The following ZFR2 variants were observed in gnomAD, a reference collection of about 807,000 sequenced individuals.
The protein encoded by ZFR2 is zinc finger RNA-binding protein 2.
A neutral mutation model predicts 105.7 loss-of-function variants in ZFR2; 104 were observed. That is an observed-to-expected ratio of 0.98 (90% CI 0.84 to 1.16). The LOEUF (loss-of-function observed/expected upper bound fraction) is 1.16, where lower values mean the gene tolerates loss of function less well. Among genes scored for constraint, ZFR2 ranks in the 50% most tolerant of loss-of-function variants. The pLI, the probability that ZFR2 is intolerant of heterozygous loss-of-function variation, is 0.00. For missense variants in ZFR2, 1,425 were observed against 1,355.5 expected (o/e 1.05, Z -0.80); for synonymous variants, 634 against 597.7 (o/e 1.06, Z -0.89).
chr19:3,823,551 G>T lies in ZFR2; in HGVS notation c.1214-148C>A. 1 of 801,274 alleles carries T rather than the reference G, an allele frequency of 1.2e-6. No homozygotes were observed. Among genetic ancestry groups the T allele is most frequent in the Non-Finnish European group, 1.9e-6 (1 of 523,464 alleles). The allele number at this position is 801,274 out of a possible 1,614,324, so 49.6% of individuals were successfully genotyped here. On this transcript the variant is annotated intron_variant, in intron 7 of 18. Transcript: ENST00000262961. The surrounding 1 kb of genome is among the most constrained non-coding windows in gnomAD (Gnocchi z 5.4). ...CTGTGATGTCAGGGGGAATGGCCCC[G>T]GACAGCAACCTCGCTCTCCCTTTCA...
Position 3,825,338 on chromosome 19 carries a change from G to T in ZFR2, c.1105C>A (p.Pro369Thr). 1 of 1,588,636 alleles carries T rather than the reference G, an allele frequency of 6.3e-7. No homozygotes were observed. Among genetic ancestry groups the T allele is most frequent in the African/African-American group, 1.3e-5 (1 of 74,202 alleles). The change falls in exon 7 of 19, where the codon CCC (proline) becomes ACC (threonine). Residue 369 changes from proline (P) to threonine (T), a missense_variant. Physicochemically the swap from Pro to Thr is conservative, Grantham distance 38. Coordinates refer to ENST00000262961, the MANE Select transcript of ZFR2 (RefSeq NM_015174.2). ...TLEPALATES[P>T]PGAEAKPTSP... ...GTGGGCTTGGCCTCTGCCCCGGGGG[G>T]GCTCTCTGTGGCCAGTGCAGGCTCG...
chr19:3,823,494 C>G lies in ZFR2; in HGVS notation c.1214-91G>C. 1 of 1,349,146 alleles carries G rather than the reference C, an allele frequency of 7.4e-7. No homozygotes were observed. Among genetic ancestry groups the G allele is most frequent in the Non-Finnish European group, 1.0e-6 (1 of 999,764 alleles). 83.6% of individuals were successfully genotyped at this position (1,349,146 alleles called of 1,614,324 possible). On this transcript the variant is annotated intron_variant, in intron 7 of 18. Coordinates refer to ENST00000262961, the MANE Select transcript of ZFR2 (RefSeq NM_015174.2). The surrounding 1 kb of genome is among the most constrained non-coding windows in gnomAD (Gnocchi z 5.4). The stretch of plus-strand genomic sequence containing the variant: ...CAGGCGGCATGGGGTGGAGAGCCAC[C>G]CAGACTGCAGGCTGTGCCATCCCCC...
At position 3,813,414 on chromosome 19, in the gene ZFR2, C is replaced by T. The variant is rs536866502; in HGVS notation, c.2242+406G>A. Reference sequence around the variant, plus strand: ...ACATTCCTAATCAGTGGCACTGGGACTGTGGTGACTGATGGACAGAGTCAA... The same window carrying T: ...ACATTCCTAATCAGTGGCACTGGGATTGTGGTGACTGATGGACAGAGTCAA... On this transcript the variant is annotated intron_variant, in intron 14 of 18. Transcript: ENST00000262961. The surrounding 1 kb of genome is among the most constrained non-coding windows in gnomAD (Gnocchi z 4.4). Among the ~76,000 whole-genome samples, 8 of 152,262 alleles carry T rather than the reference C, an allele frequency of 5.3e-5. No individual in the cohort carries two copies. The highest frequency in any genetic ancestry group is 1.9e-4 in the African/African-American group (8 of 41,550).
chr19:3,807,699 G>A (rs916552297), intron 17 of ZFR2, among the ~76,000 whole-genome samples: 1 of 150,378 alleles, frequency 6.6e-6, no homozygotes, highest in African/African-American at 2.5e-5. Context: ...ATGCACCCAT[G>A]TGTGTCCATG....
chr19:3,826,769 CAG>C (rs986361106), intron 6 of ZFR2, among the ~76,000 whole-genome samples: 2 of 152,042 alleles, frequency 1.3e-5, no homozygotes, highest in Non-Finnish European at 2.9e-5. Flanking sequence ...CTCAGGAGAA[CAG>C]TGATACTACA....
At chr19:3,850,900 C>T (rs1364043245) in intron 1 of ZFR2, among the ~76,000 whole-genome samples, 4 of 92,498 alleles carry the variant, frequency 4.3e-5, no homozygotes, top group African/African-American at 2.0e-4. Context: ...GCAGTCTTTT[C>T]AAAAAAAAAA....
At chr19:3,828,145 A>ATTT (rs764829242) in intron 5 of ZFR2, among the ~76,000 whole-genome samples, 1 of 118,032 alleles carries the variant, frequency 8.5e-6, no homozygotes. Flanking sequence ...GACGTCTCAA[A>ATTT]TTTTTTTTTT....
intron 3 of ZFR2, 30 bp from the exon 4 acceptor site, chr19:3,831,908 G>A (rs905996707): frequency 4.7e-6 from 7 of 1,495,912 alleles, no homozygotes; most frequent in Non-Finnish European, 5.3e-6. Context: ...CCTCTGCAGA[G>A]CCAACCCCCA....
At chr19:3,808,851 C>T in intron 17 of ZFR2, 21 bp downstream of exon 17, 1 of 1,530,632 alleles carries the variant, frequency 6.5e-7, no homozygotes, top group Non-Finnish European at 8.8e-7. Flanking sequence ...ACCTCCTGGG[C>T]CCTCCGGCCC....
chr19:3,864,232 C>T (rs1315789755), intron 1 of ZFR2, among the ~76,000 whole-genome samples: 1 of 152,046 alleles, frequency 6.6e-6, no homozygotes, highest in East Asian at 1.9e-4. Context: ...ATAAATATCG[C>T]CAGGCATGGT....
chr19:3,818,260 G>A (rs978703675), intron 12 of ZFR2, among the ~76,000 whole-genome samples: 1 of 152,222 alleles, frequency 6.6e-6, no homozygotes, highest in African/African-American at 2.4e-5. Flanking sequence ...GAGCCCGGGA[G>A]TTCAAGACCA....
chr19:3,824,783 A>G (rs917374446), intron 7 of ZFR2, among the ~76,000 whole-genome samples: 9 of 152,096 alleles, frequency 5.9e-5, no homozygotes, highest in African/African-American at 1.9e-4. Context: ...CGAAAAATAC[A>G]AAAATTAGCC....
rs1322507814 is a variant in ZFR2, at chr19:3,813,573, C to T, written c.2242+247G>A. On this transcript the variant is annotated intron_variant, in intron 14 of 18. Transcript: ENST00000262961. This position sits in a 1 kb window ranked among gnomAD's most constrained non-coding sequence, Gnocchi z 4.4. ...GGGAGGTGACACGGTGTCGCTTGCC[C>T]GAGCAAGGCCCCTGCAGCCAGGCTC... is the stretch of plus-strand genomic sequence containing the variant. Among the ~76,000 whole-genome samples the T allele has an allele frequency of 4.6e-5, 7 of 152,162 alleles. No individual in the cohort carries two copies. The highest frequency in any genetic ancestry group is 2.1e-4 in the South Asian group (1 of 4,834).
Position 3,855,380 on chromosome 19 carries a change from A to G in ZFR2, c.53+13585T>C, listed in dbSNP as rs541332850. On this transcript the variant is annotated intron_variant, in intron 1 of 18. Coordinates refer to ENST00000262961, the MANE Select transcript of ZFR2 (RefSeq NM_015174.2). Reference sequence around the variant, plus strand: ...TTGCTTTTGCGGGTTGCACTATGAGAAATTCTGTGTGTACAAAATACCTGA... The same window carrying G: ...TTGCTTTTGCGGGTTGCACTATGAGGAATTCTGTGTGTACAAAATACCTGA... The G allele has an allele frequency of 4.6e-5, 57 of 1,231,720 alleles. No individual in the cohort carries two copies. In the African/African-American group the frequency reaches 8.1e-4, roughly 17 times the overall value. 76.3% of individuals were successfully genotyped at this position (1,231,720 alleles called of 1,614,324 possible). A position where few individuals can be genotyped will look rare whatever the true frequency, so the allele number is the denominator to read the frequency against.
In ZFR2 at chr19:3,827,467, G is replaced by A. The variant is rs776309602; in HGVS notation, c.1035+4C>T. ...GGCAGAGCCTGGGCCGGGCGGGGCC[G>A]TACCTTCTGGTGCTTGGATCCCCGG... On this transcript the variant is annotated splice_donor_region_variant and intron_variant, in intron 6 of 18. Coordinates refer to ENST00000262961, the MANE Select transcript of ZFR2 (RefSeq NM_015174.2). The A allele has an allele frequency of 4.2e-5, 64 of 1,540,038 alleles. No individual in the cohort carries two copies. Among genetic ancestry groups the A allele is most frequent in the Admixed American group, 1.0e-4 (5 of 49,890 alleles).
At position 3,825,340 on chromosome 19, in the gene ZFR2, C is replaced by G; in HGVS notation, c.1103G>C (p.Ser368Thr). ...GGGCTTGGCCTCTGCCCCGGGGGGGCTCTCTGTGGCCAGTGCAGGCTCGAG... is the reference window on the plus strand; with the variant it reads ...GGGCTTGGCCTCTGCCCCGGGGGGGGTCTCTGTGGCCAGTGCAGGCTCGAG... ...PTLEPALATE[S>T]PPGAEAKPTS... Residue 368 changes from serine to threonine, a missense_variant, in exon 7 of 19, where the codon AGC (serine) becomes ACC (threonine). Coordinates refer to ENST00000262961, the MANE Select transcript of ZFR2 (RefSeq NM_015174.2). 1 of 1,589,264 alleles carries G rather than the reference C, an allele frequency of 6.3e-7. No individual in the cohort carries two copies. The highest frequency in any genetic ancestry group is 1.1e-5 in the South Asian group (1 of 87,282).
At chr19:3,825,173 T>C in intron 7 of ZFR2, 57 bp downstream of exon 7, 1 of 1,400,188 alleles carries the variant, frequency 7.1e-7, no homozygotes. Flanking sequence ...TCACGAAACT[T>C]TCACTAGGCG....
In ZFR2 at chr19:3,822,114, G is replaced by T; in HGVS notation, c.1458C>A (p.His486Gln). 6.2e-7 allele frequency: 1 copy of T among 1,609,652 alleles called. No homozygotes were observed. The highest frequency in any genetic ancestry group is 8.5e-7 in the Non-Finnish European group (1 of 1,178,360). The change falls in exon 9 of 19, where the codon CAC (histidine) becomes CAA (glutamine). Residue 486 changes from histidine (H) to glutamine (Q), a missense_variant. Physicochemically the swap from His to Gln is conservative, Grantham distance 24 (BLOSUM62 0). Coordinates refer to ENST00000262961, the MANE Select transcript of ZFR2 (RefSeq NM_015174.2). ...SFNDLNAKDL[H>Q]VRGRRHRLQY... ...GCAGCCGGTGCCGCCGCCCCCTCAC[G>T]TGCAGGTCCTTCGCGTTAAGGTCGT...
chr19:3,826,730 G>A (rs1337346584), intron 6 of ZFR2, among the ~76,000 whole-genome samples: 2 of 151,916 alleles, frequency 1.3e-5, no homozygotes, highest in East Asian at 2.0e-4. Context: ...GAGGCACCAC[G>A]CCCGGCCTGA....
Sources: gnomAD v4.1 joint callset for allele counts (sites outside exome capture counted in the v4.1 genomes callset) on GRCh38, gnomAD v4.1.1 for gene constraint, Gnocchi (gnomAD v3.1) non-coding constraint, MANE v1.5 for transcripts, NCBI Gene and HGNC (gene_info 2026-07-23, HGNC 2026-07-21) for gene names.